ROCK1: variants seen among roughly 807,000 people sequenced by gnomAD.
ROCK1 encodes Rho associated coiled-coil containing protein kinase 1.
Under a neutral mutation model 196.8 loss-of-function variants are expected in ROCK1, and 36 were observed. The observed-to-expected ratio is 0.18, with a 90% CI of 0.14 to 0.24. ROCK1 has a LOEUF of 0.24. Among genes scored for constraint, ROCK1 ranks in the 10% least tolerant of loss-of-function variants. The pLI, the probability that ROCK1 is intolerant of heterozygous loss-of-function variation, is 1.00. For synonymous variants in ROCK1, 443 were observed against 515.9 expected, an observed-to-expected ratio of 0.86 and a Z score of 1.91; for missense variants, 920 against 1,562.0, an observed-to-expected ratio of 0.59 and a Z score of 6.93.
At chr18:20,999,071 A>G (rs1397188516) in intron 16 of ROCK1, among the ~76,000 whole-genome samples, 1 of 152,210 alleles carries the variant, frequency 6.6e-6, no homozygotes, top group Non-Finnish European at 1.5e-5. Flanking sequence ...CAAAAAAGCT[A>G]TAAGCCAATA....
In ROCK1 at chr18:20,959,183, T is replaced by TA. The variant is rs2035300468; in HGVS notation, c.3512+656_3512+657insT. 2.4e-5 allele frequency among the ~76,000 whole-genome samples: 2 copies of TA among 84,174 alleles called. 1 individual carries two copies. Among genetic ancestry groups the TA allele is most frequent in the African/African-American group, 1.0e-4 (2 of 20,050 alleles). The allele number at this position is 84,174 out of a possible 152,430, so 55.2% of individuals were successfully genotyped here. A position where few individuals can be genotyped will look rare whatever the true frequency, so the allele number is the denominator to read the frequency against. Reference sequence around the variant, plus strand: ...TATATATTATATAATATATATAATATTATATATAATATATATAATACATAT... The same window carrying TA: ...TATATATTATATAATATATATAATATATATATATAATATATATAATACATAT... On this transcript the variant is annotated intron_variant, in intron 29 of 32. Transcript: ENST00000399799.
chr18:20,976,882 G>A (rs2035485751), intron 22 of ROCK1, among the ~76,000 whole-genome samples: 1 of 152,132 alleles, frequency 6.6e-6, no homozygotes, highest in Admixed American at 6.6e-5. Context: ...TCAGGGACCA[G>A]CACTACCATC....
intron 25 of ROCK1, 25 bp from the exon 26 acceptor site, chr18:20,967,965 T>C: frequency 1.4e-6 from 2 of 1,447,496 alleles, no homozygotes; most frequent in Non-Finnish European, 1.9e-6. Context: ...TTAATAAAGA[T>C]CAATAGTGTA....
chr18:21,030,128 C>T (rs1393917660), intron 9 of ROCK1, among the ~76,000 whole-genome samples: 1 of 152,100 alleles, frequency 6.6e-6, no homozygotes, highest in Non-Finnish European at 1.5e-5. Flanking sequence ...CCTTAATGGC[C>T]AACAGAACTG....
At chr18:21,073,982 A>G (rs2036409025) in intron 1 of ROCK1, among the ~76,000 whole-genome samples, 1 of 152,102 alleles carries the variant, frequency 6.6e-6, no homozygotes, top group Non-Finnish European at 1.5e-5. Context: ...GCAAGACCCT[A>G]TCTCTACAAA....
intron 10 of ROCK1, among the ~76,000 whole-genome samples, chr18:21,024,641 G>A (rs1329288632): frequency 6.6e-6 from 1 of 152,162 alleles, no homozygotes; most frequent in East Asian, 1.9e-4. Flanking sequence ...AACAGTTTAA[G>A]TAAATTTTAA....
intron 18 of ROCK1, among the ~76,000 whole-genome samples, chr18:20,990,127 TTGCAGATAA>T: frequency 6.6e-6 from 1 of 151,956 alleles, no homozygotes. Context: ...ACAACTCAGG[TTGCAGATAA>T]TGCATTGGAC....
chr18:21,101,061 G>C (rs2036655417), intron 1 of ROCK1, among the ~76,000 whole-genome samples: 1 of 152,078 alleles, frequency 6.6e-6, no homozygotes, highest in Non-Finnish European at 1.5e-5. Flanking sequence ...AAAATACCTT[G>C]CTATAACAAG....
chr18:21,042,503 C>T (rs1276689666), intron 7 of ROCK1, 62 bp downstream of exon 7: 2 of 1,503,544 alleles, frequency 1.3e-6, no homozygotes, highest in Non-Finnish European at 1.8e-6. Flanking sequence ...TTAGAAAGAG[C>T]CAAGTGGCAA....
At chr18:21,103,050 C>G (rs1362314206) in intron 1 of ROCK1, among the ~76,000 whole-genome samples, 1 of 152,120 alleles carries the variant, frequency 6.6e-6, no homozygotes, top group African/African-American at 2.4e-5. Flanking sequence ...ATTTGAACAT[C>G]TACCTTCCTA....
chr18:21,038,565 T>C (rs1474258440), intron 9 of ROCK1, among the ~76,000 whole-genome samples: 1 of 152,194 alleles, frequency 6.6e-6, no homozygotes, highest in Non-Finnish European at 1.5e-5. Flanking sequence ...ATTAACAAGA[T>C]TTCCATCTCT....
At chr18:21,046,850 T>C (rs1281282330) in intron 4 of ROCK1, among the ~76,000 whole-genome samples, 2 of 152,186 alleles carry the variant, frequency 1.3e-5, no homozygotes, top group African/African-American at 4.8e-5. Flanking sequence ...TTACTTTGTT[T>C]TGATTTTTTG....
chr18:20,957,677 TCAC>T (rs113509919), intron 29 of ROCK1, among the ~76,000 whole-genome samples: 67 of 152,162 alleles, frequency 4.4e-4, no homozygotes, highest in African/African-American at 1.5e-3. Flanking sequence ...AGACAGGGTT[TCAC>T]CATGTTGGCC....
At chr18:20,975,804 G>C (rs1395664647) in intron 22 of ROCK1, among the ~76,000 whole-genome samples, 3 of 152,058 alleles carry the variant, frequency 2.0e-5, no homozygotes, top group Non-Finnish European at 4.4e-5. Context: ...GTAGAGACGG[G>C]GTTTCACCCT....
At chr18:20,964,404 G>A (rs530200221) in intron 27 of ROCK1, among the ~76,000 whole-genome samples, 2 of 152,020 alleles carry the variant, frequency 1.3e-5, no homozygotes, top group East Asian at 3.9e-4. Context: ...ATTTGCCAGG[G>A]ACCATTTTTG....
Position 20,955,253 on chromosome 18 carries a change from G to C in ROCK1, c.3513-8C>G. 1 of 1,590,218 alleles carries C rather than the reference G, an allele frequency of 6.3e-7. No homozygotes were observed. Among genetic ancestry groups the C allele is most frequent in the African/African-American group, 1.3e-5 (1 of 74,116 alleles). On this transcript the variant is annotated splice_polypyrimidine_tract_variant and splice_region_variant and intron_variant, in intron 29 of 32. Coordinates refer to ENST00000399799, the MANE Select transcript of ROCK1 (RefSeq NM_005406.3). The stretch of plus-strand genomic sequence containing the variant: ...CTAACGTGAAACAGTTTACTAAAAT[G>C]AAAATAAATACAGGCCATTTACAAA...
chr18:21,099,242 G>C (rs1387039887), intron 1 of ROCK1, among the ~76,000 whole-genome samples: 1 of 152,030 alleles, frequency 6.6e-6, no homozygotes, highest in African/African-American at 2.4e-5. Flanking sequence ...GCTACTTTTT[G>C]CGTAAGAAAG....
intron 1 of ROCK1, among the ~76,000 whole-genome samples, chr18:21,085,846 G>C (rs1159970207): frequency 6.6e-6 from 1 of 152,090 alleles, no homozygotes; most frequent in African/African-American, 2.4e-5. Context: ...ATTTTTTAAA[G>C]ATTTATCCAA....
At chr18:21,095,215 C>T (rs1039811130) in intron 1 of ROCK1, among the ~76,000 whole-genome samples, 6 of 151,206 alleles carry the variant, frequency 4.0e-5, no homozygotes, top group Admixed American at 6.6e-5. Context: ...ATAATGAATA[C>T]AACTGAGGAT....
Sources: allele counts gnomAD v4.1 joint callset (sites outside exome capture counted in the v4.1 genomes callset), GRCh38; gene constraint gnomAD v4.1.1; transcripts MANE v1.5; gene names NCBI Gene and HGNC (gene_info 2026-07-23, HGNC 2026-07-21).